Variants in ANK1 observed in about 807,000 individuals in gnomAD.
ANK1 encodes ankyrin 1.
In ANK1, 51 loss-of-function variants were observed where a neutral mutation model predicts 210.4. The ratio of observed to expected loss-of-function variants is 0.24; its 90% CI spans 0.19 to 0.31. ANK1 has a LOEUF of 0.31. Among genes scored for constraint, ANK1 ranks in the 10% least tolerant of loss-of-function variants. The pLI is 1.00. For missense variants in ANK1, 2,051 were observed against 2,504.4 expected, an observed-to-expected ratio of 0.82 and a Z score of 3.86; for synonymous variants, 967 against 1,025.9, an observed-to-expected ratio of 0.94 and a Z score of 1.10.
intron 1 of ANK1, among the ~76,000 whole-genome samples, chr8:41,764,725 G>A (rs1030078389): frequency 6.6e-6 from 1 of 152,110 alleles, no homozygotes; most frequent in African/African-American, 2.4e-5. Context: ...GCGTGTTCGG[G>A]GATCTGCACA....
chr8:41,857,112 C>G (rs1430802227), intron 1 of ANK1, among the ~76,000 whole-genome samples: 1 of 151,008 alleles, frequency 6.6e-6, no homozygotes, highest in African/African-American at 2.4e-5. Context: ...CTCCTGACCT[C>G]AAAATGATTC....
At chr8:41,874,144 G>A (rs1816111253) in intron 1 of ANK1, among the ~76,000 whole-genome samples, 2 of 152,224 alleles carry the variant, frequency 1.3e-5, no homozygotes, top group African/African-American at 4.8e-5. Flanking sequence ...ATGTTTGGAT[G>A]TCCCGCAGGT....
chr8:41,803,522 T>C (rs1850490971), intron 1 of ANK1: 1 of 152,162 alleles, frequency 6.6e-6, no homozygotes, highest in Non-Finnish European at 1.5e-5. Context: ...GACATTTTGT[T>C]CTCTTCTTTT....
chr8:41,790,871 G>A lies in ANK1; in HGVS notation c.27+6641C>T, dbSNP rs371526167. On this transcript the variant is annotated intron_variant, in intron 1 of 42. Coordinates refer to ENST00000289734, the MANE Select transcript of ANK1 (RefSeq NM_000037.4). ...ACAGAACATTAGCCAGTCCCAAGCG[G>A]GACTTAGACATGTTAGAGGTTAGAC... is the stretch of plus-strand genomic sequence containing the variant. Among the ~76,000 whole-genome samples the A allele has an allele frequency of 2.0e-5, 3 of 152,278 alleles. No individual in the cohort carries two copies. In the East Asian group the frequency reaches 5.8e-4, roughly 29 times the overall value.
rs1006504684 is a variant in ANK1, at chr8:41,791,647, G to A, written c.27+5865C>T. 5.9e-5 allele frequency among the ~76,000 whole-genome samples: 9 copies of A among 152,128 alleles called. No homozygotes were observed. The South Asian group carries it at 8.3e-4, about 14-fold the overall frequency. On this transcript the variant is annotated intron_variant, in intron 1 of 42. Transcript: ENST00000289734. ...GGGGTTTCACCACGTTGACCAGGAG[G>A]GTCTTGATCTCTTGACCTCGTGATC... is the stretch of plus-strand genomic sequence containing the variant.
chr8:41,803,182 A>G (rs1368139648), intron 1 of ANK1, among the ~76,000 whole-genome samples: 1 of 150,970 alleles, frequency 6.6e-6, no homozygotes, highest in East Asian at 2.0e-4. Flanking sequence ...AGGGAGGGAG[A>G]GAGAGAGAGA....
intron 1 of ANK1, among the ~76,000 whole-genome samples, chr8:41,847,639 C>T (rs1411002180): frequency 6.6e-6 from 1 of 152,106 alleles, no homozygotes; most frequent in Non-Finnish European, 1.5e-5. Context: ...ATTCAGAGAT[C>T]CAGCAACCTG....
At chr8:41,824,697 T>C (rs758716256) in intron 1 of ANK1, among the ~76,000 whole-genome samples, 11 of 152,198 alleles carry the variant, frequency 7.2e-5, no homozygotes, top group Non-Finnish European at 7.3e-5. Context: ...GCCTCTGCCC[T>C]GACCCCGCCT....
intron 23 of ANK1, among the ~76,000 whole-genome samples, 183 bp from the exon 24 acceptor site, chr8:41,698,304 T>C (rs568721345): frequency 2.4e-4 from 36 of 152,352 alleles, no homozygotes; most frequent in African/African-American, 8.4e-4. Flanking sequence ...AACCTGCACT[T>C]GTCGCCCCTT....
intron 3 of ANK1, among the ~76,000 whole-genome samples, chr8:41,733,494 C>T (rs1053950851): frequency 3.9e-5 from 6 of 152,202 alleles, no homozygotes; most frequent in African/African-American, 1.4e-4. Context: ...ATAAATACAT[C>T]CAGGCATTTG....
intron 1 of ANK1, among the ~76,000 whole-genome samples, chr8:41,857,740 G>GA (rs546644189): frequency 0.24 from 27,837 of 117,794 alleles, 2,826 homozygotes; most frequent in South Asian, 0.37. Context: ...CTCCATCTCA[G>GA]AAAAAAAAAA....
intron 1 of ANK1, among the ~76,000 whole-genome samples, chr8:41,781,765 C>G (rs953429133): frequency 1.3e-5 from 2 of 152,196 alleles, no homozygotes; most frequent in African/African-American, 2.4e-5. Flanking sequence ...ACCCCCGACT[C>G]AGGGCGGTGA....
rs540398064 is a variant in ANK1, at chr8:41,744,839, C to T, written c.130-10770G>A. Among the ~76,000 whole-genome samples the T allele has an allele frequency of 2.6e-5, 4 of 152,298 alleles. 1 individual carries two copies. The South Asian group carries it at 8.3e-4, about 32-fold the overall frequency. On this transcript the variant is annotated intron_variant, in intron 2 of 42. Coordinates refer to ENST00000289734, the MANE Select transcript of ANK1 (RefSeq NM_000037.4). ...CGTGAGCCTCCGCGCCCGATGGGAG[C>T]ATGATTTCTATGGTATTCCTGTCCA...
intron 18 of ANK1, among the ~76,000 whole-genome samples, chr8:41,705,445 C>A (rs1372996648): frequency 6.6e-6 from 1 of 152,172 alleles, no homozygotes; most frequent in African/African-American, 2.4e-5. Flanking sequence ...AATTTCCAGA[C>A]TTTTCTCAGG....
At chr8:41,872,462 C>T (rs1815722403) in intron 1 of ANK1, among the ~76,000 whole-genome samples, 1 of 152,350 alleles carries the variant, frequency 6.6e-6, no homozygotes, top group Admixed American at 6.5e-5. Flanking sequence ...CAGTGGAAGC[C>T]GGGGTTCGAA....
chr8:41,733,028 G>A lies in ANK1; in HGVS notation c.228+943C>T, dbSNP rs181019857. Among the ~76,000 whole-genome samples, 319 of 152,304 alleles carry A rather than the reference G, an allele frequency of 2.1e-3. 2 individuals are homozygous for A. The highest frequency in any genetic ancestry group is 6.9e-3 in the African/African-American group (285 of 41,576). On this transcript the variant is annotated intron_variant, in intron 3 of 42. Transcript: ENST00000289734. ...GCTGGGATTACAGGCGTGAGCCACC[G>A]CGCCCAGTCTGTTTCATTTTATTTT...
intron 1 of ANK1, among the ~76,000 whole-genome samples, chr8:41,759,155 C>T (rs1586751248): frequency 6.6e-6 from 1 of 152,214 alleles, no homozygotes; most frequent in African/African-American, 2.4e-5. Context: ...ATTCAACCAA[C>T]TGTGGATGGA....
chr8:41,734,498 T>C (rs1297185941), intron 2 of ANK1, among the ~76,000 whole-genome samples: 2 of 152,222 alleles, frequency 1.3e-5, no homozygotes, highest in African/African-American at 4.8e-5. Context: ...AATAGACATA[T>C]GTTTGGTAAG....
At chr8:41,873,714 T>A (rs1315347486) in intron 1 of ANK1, among the ~76,000 whole-genome samples, 1 of 152,216 alleles carries the variant, frequency 6.6e-6, no homozygotes, top group Non-Finnish European at 1.5e-5. Context: ...TCCTGCCATA[T>A]TGCACAGCTG....
Sources: allele counts gnomAD v4.1 joint callset (sites outside exome capture counted in the v4.1 genomes callset), GRCh38; gene constraint gnomAD v4.1.1; transcripts MANE v1.5; gene names NCBI Gene and HGNC (gene_info 2026-07-23, HGNC 2026-07-21).